The following MCF2L2 variants were observed in gnomAD, a reference collection of about 807,000 sequenced individuals.
MCF2L2 encodes MCF.2 cell line derived transforming sequence-like 2, also known as probable guanine nucleotide exchange factor MCF2L2.
In MCF2L2, 102 loss-of-function variants were observed where a neutral mutation model predicts 150.2. The observed-to-expected ratio is 0.68, with a 90% confidence interval of 0.58 to 0.80. MCF2L2 has a LOEUF of 0.80. Among genes scored for constraint, MCF2L2 ranks in the 30% least tolerant of loss-of-function variants. MCF2L2 has a pLI of 0.00. For synonymous variants in MCF2L2, 465 were observed against 491.3 expected (o/e 0.95, Z 0.71); for missense variants, 1,256 against 1,372.8 (o/e 0.91, Z 1.34).
intron 7 of MCF2L2, among the ~76,000 whole-genome samples, chr3:183,314,935 T>C (rs78421973): frequency 6.0e-3 from 1 of 166 alleles, no homozygotes; most frequent in Non-Finnish European, 0.011. Flanking sequence ...TTTTTTTTTT[T>C]TTTTTTTTTT....
At chr3:183,409,443 C>G (rs7640950) in intron 1 of MCF2L2, among the ~76,000 whole-genome samples, 4,160 of 152,088 alleles carry the variant, frequency 0.027, 80 homozygotes, top group Non-Finnish European at 0.041. Flanking sequence ...AATTTCTCCT[C>G]CATATAAATA....
chr3:183,270,984 T>C lies in MCF2L2; in HGVS notation c.1862+5888A>G. ...TCACTGTCACTGAGTCAAACCTGGA[T>C]GAAAAAAACCTTTAAATGTTCGTCT... On this transcript the variant is annotated intron_variant, in intron 15 of 29. Coordinates refer to ENST00000328913, the MANE Select transcript of MCF2L2 (RefSeq NM_015078.4). This position sits in a 1 kb window ranked among gnomAD's most constrained non-coding sequence, Gnocchi z 4.5. 1 of 1,486,166 alleles carries C rather than the reference T, an allele frequency of 6.7e-7. No individual in the cohort carries two copies. Among genetic ancestry groups the C allele is most frequent in the South Asian group, 1.4e-5 (1 of 72,478 alleles). The allele number at this position is 1,486,166 out of a possible 1,614,324, so 92.1% of individuals were successfully genotyped here.
At position 183,179,189 on chromosome 3, in the gene MCF2L2, C is replaced by T. The variant is rs1399637525; in HGVS notation, c.*191G>A. ...GCGCCTTAGAGCAGCTCCGAGGTCC[C>T]CCGTGCGGAGCTAGGCGCGCACCCA... On this transcript the variant is annotated 3_prime_UTR_variant, in exon 30 of 30. Transcript: ENST00000328913. The surrounding 1 kb of genome is among the most constrained non-coding windows in gnomAD (Gnocchi z 4.2). The T allele has an allele frequency of 2.4e-5, 17 of 707,494 alleles. No individual in the cohort carries two copies. The South Asian group carries it at 6.1e-4, about 25-fold the overall frequency. 43.8% of individuals were successfully genotyped at this position (707,494 alleles called of 1,614,324 possible). A position where few individuals can be genotyped will look rare whatever the true frequency, so the allele number is the denominator to read the frequency against.
intron 15 of MCF2L2, chr3:183,273,000 T>C (rs904455214): frequency 2.0e-6 from 3 of 1,480,564 alleles, no homozygotes; most frequent in African/African-American, 2.9e-5. Flanking sequence ...ACTTCCTTTT[T>C]TTCTAAGAAG....
chr3:183,414,015 A>G (rs1715454342), intron 1 of MCF2L2, among the ~76,000 whole-genome samples: 1 of 152,138 alleles, frequency 6.6e-6, no homozygotes, highest in Non-Finnish European at 1.5e-5. Flanking sequence ...GTATATTCAT[A>G]AGAGATTTAG....
At chr3:183,398,723 C>T (rs1714592134) in intron 1 of MCF2L2, among the ~76,000 whole-genome samples, 1 of 152,086 alleles carries the variant, frequency 6.6e-6, no homozygotes, top group African/African-American at 2.4e-5. Context: ...ATCAGTGTTG[C>T]TTTAGTCCGA....
intron 15 of MCF2L2, chr3:183,258,164 C>T (rs1037641193): frequency 1.3e-5 from 2 of 152,300 alleles, no homozygotes; most frequent in African/African-American, 4.8e-5. Flanking sequence ...GATGGGGTTT[C>T]ACCATGTTAG....
chr3:183,356,779 GA>G (rs1444488368), intron 3 of MCF2L2, among the ~76,000 whole-genome samples: 1 of 152,126 alleles, frequency 6.6e-6, no homozygotes, highest in Non-Finnish European at 1.5e-5. Context: ...GCATCAAAGA[GA>G]AAGACTGAGG....
At chr3:183,331,899 G>C (rs1730286829) in intron 5 of MCF2L2, among the ~76,000 whole-genome samples, 2 of 152,130 alleles carry the variant, frequency 1.3e-5, no homozygotes, top group Admixed American at 1.3e-4. Flanking sequence ...TTTACTACAT[G>C]AAAGTACTTC....
chr3:183,394,728 C>T (rs747778813), intron 1 of MCF2L2, among the ~76,000 whole-genome samples: 8 of 152,186 alleles, frequency 5.3e-5, no homozygotes, highest in Non-Finnish European at 2.9e-5. Context: ...ATCAAGAACA[C>T]TAGAAAATGT....
intron 1 of MCF2L2, among the ~76,000 whole-genome samples, chr3:183,422,794 T>G (rs1374841410): frequency 6.6e-6 from 1 of 152,238 alleles, no homozygotes; most frequent in Non-Finnish European, 1.5e-5. Flanking sequence ...CTGCATGCCC[T>G]TCAAACAACT....
chr3:183,226,721 T>A (rs922774849), intron 18 of MCF2L2: 3 of 152,324 alleles, frequency 2.0e-5, no homozygotes. Flanking sequence ...ATTTAAATAA[T>A]CTTTGCAGTA....
At chr3:183,262,176 C>G (rs1167849528) in intron 15 of MCF2L2, among the ~76,000 whole-genome samples, 2 of 149,636 alleles carry the variant, frequency 1.3e-5, no homozygotes, top group Non-Finnish European at 1.5e-5. Context: ...TTTTATGATA[C>G]TTTATTATAT....
At chr3:183,415,619 C>T (rs938981280) in intron 1 of MCF2L2, among the ~76,000 whole-genome samples, 8 of 152,016 alleles carry the variant, frequency 5.3e-5, no homozygotes, top group African/African-American at 1.9e-4. Context: ...ATAAAATATC[C>T]TTGTGTATCT....
chr3:183,193,589 TCCGC>T (rs1208459151), intron 26 of MCF2L2, among the ~76,000 whole-genome samples: 2 of 152,140 alleles, frequency 1.3e-5, no homozygotes, highest in Non-Finnish European at 2.9e-5. Context: ...GACCTTGTGA[TCCGC>T]CCGCCTTGGC....
chr3:183,297,142 A>T lies in MCF2L2; in HGVS notation c.1331T>A (p.Ile444Asn). 1 of 1,614,120 alleles carries T rather than the reference A, an allele frequency of 6.2e-7. No homozygotes were observed. Among genetic ancestry groups the T allele is most frequent in the Non-Finnish European group, 8.5e-7 (1 of 1,179,996 alleles). Residue 444 changes from isoleucine (I) to asparagine (N), a missense_variant, in exon 12 of 30, where the codon ATC becomes AAC. Physicochemically the swap from Ile to Asn is moderately radical, Grantham distance 149. Coordinates refer to ENST00000328913, the MANE Select transcript of MCF2L2 (RefSeq NM_015078.4). ...TACAGCTTGGGAAGCCAAGAGGTAG[A>T]TTCCTGCCTCACACCATTGGCTGAC... is the stretch of plus-strand genomic sequence containing the variant. ...DKVSQWCEAG[I>N]YLLASQAVDK...
At chr3:183,334,739 G>A (rs1730402756) in intron 5 of MCF2L2, among the ~76,000 whole-genome samples, 1 of 147,132 alleles carries the variant, frequency 6.8e-6, no homozygotes, top group South Asian at 2.1e-4. Flanking sequence ...GTTCCAGTGA[G>A]CTGAGATTGC....
intron 5 of MCF2L2, among the ~76,000 whole-genome samples, chr3:183,328,068 G>A (rs55892153): frequency 0.014 from 2,190 of 152,256 alleles, 24 homozygotes; most frequent in Admixed American, 0.026. Context: ...CTGGGAAGAA[G>A]AAGATTAAAC....
At chr3:183,244,955 G>A (rs957589551) in intron 15 of MCF2L2, among the ~76,000 whole-genome samples, 1 of 151,788 alleles carries the variant, frequency 6.6e-6, no homozygotes, top group Non-Finnish European at 1.5e-5. Flanking sequence ...AAAACACAGG[G>A]TTTCAAGAAA....
Sources: allele counts gnomAD v4.1 joint callset (sites outside exome capture counted in the v4.1 genomes callset), GRCh38; gene constraint gnomAD v4.1.1; non-coding constraint Gnocchi (gnomAD v3.1); transcripts MANE v1.5; gene names NCBI Gene and HGNC (gene_info 2026-07-23, HGNC 2026-07-21).